The following USP12 variants were observed in gnomAD, a reference collection of about 807,000 sequenced individuals.
The protein encoded by USP12 is ubiquitin specific peptidase 12.
In USP12, 19 loss-of-function variants were observed where a neutral mutation model predicts 45.5. The ratio of observed to expected loss-of-function variants is 0.42; its 90% CI spans 0.29 to 0.61. USP12 has a LOEUF of 0.61. USP12 is among the 20% of genes least tolerant of loss of function. USP12 has a pLI of 0.22. For missense variants in USP12, 242 were observed against 447.7 expected (o/e 0.54, Z 4.15); for synonymous variants, 149 against 148.8 (o/e 1.00, Z -0.01).
At chr13:27,096,934 TA>T (rs1874607662) in intron 3 of USP12, among the ~76,000 whole-genome samples, 1 of 152,174 alleles carries the variant, frequency 6.6e-6, no homozygotes, top group Non-Finnish European at 1.5e-5. Context: ...AATTACATTT[TA>T]GAAGAGATAC....
At chr13:27,090,957 G>A (rs1292611222) in intron 4 of USP12, among the ~76,000 whole-genome samples, 1 of 152,200 alleles carries the variant, frequency 6.6e-6, no homozygotes, top group Non-Finnish European at 1.5e-5. Context: ...ACTGTGCATA[G>A]TGTATTTTAT....
chr13:27,109,207 T>C (rs1195897746), intron 2 of USP12, among the ~76,000 whole-genome samples: 2 of 152,214 alleles, frequency 1.3e-5, no homozygotes, highest in Non-Finnish European at 2.9e-5. Flanking sequence ...TATCAATGGA[T>C]GCTCAAAGCA....
intron 1 of USP12, among the ~76,000 whole-genome samples, chr13:27,164,230 T>C (rs1263418094): frequency 6.6e-6 from 1 of 152,192 alleles, no homozygotes; most frequent in African/African-American, 2.4e-5. Flanking sequence ...AAGTAGAGAA[T>C]GTGTGGATGC....
rs566877685 is a variant in USP12 at position 27,093,254 on chromosome 13, GA to G, written c.573+2346del. ...ATGAAAAACAAGTCACGGACTGGGAGAAAATATTTGCCAAAGACCCACCTGA... is the reference window on the plus strand; with the variant it reads ...ATGAAAAACAAGTCACGGACTGGGAGAAATATTTGCCAAAGACCCACCTGA... On this transcript the variant is annotated intron_variant, in intron 4 of 8. Coordinates refer to ENST00000282344, the MANE Select transcript of USP12 (RefSeq NM_182488.4). Among the ~76,000 whole-genome samples the G allele has an allele frequency of 2.0e-3, 303 of 148,954 alleles. 1 individual carries two copies. Among genetic ancestry groups the G allele is most frequent in the Middle Eastern group, 0.014 (4 of 288 alleles).
At chr13:27,093,635 T>A (rs116676144) in intron 4 of USP12, among the ~76,000 whole-genome samples, 3,249 of 152,330 alleles carry the variant, frequency 0.021, 119 homozygotes, top group African/African-American at 0.075. Flanking sequence ...AAACTAAGTA[T>A]ACTCTTACCA....
intron 1 of USP12, among the ~76,000 whole-genome samples, chr13:27,121,218 G>C (rs149292352): frequency 6.6e-6 from 1 of 151,304 alleles, no homozygotes; most frequent in Non-Finnish European, 1.5e-5. Context: ...GAGACAGGGA[G>C]AAAGGAGAAA....
chr13:27,086,186 AAAAAAAAAAAAATATATAT>A (rs1874014208), intron 6 of USP12, among the ~76,000 whole-genome samples: 1 of 101,902 alleles, frequency 9.8e-6, no homozygotes, highest in Admixed American at 1.1e-4. Context: ...AAAAAAAAAA[AAAAAAAAAAAAATATATAT>A]ATATATATAT....
rs752665721 is a variant in USP12 at position 27,171,669 on chromosome 13, A to AGCG, written c.-33_-31dup. ...CCAGCGCCATCTTCCACCCAATCACAGCGGCGGCGGCGGGCGGGGGAGGAG... is the reference window on the plus strand; with the variant it reads ...CCAGCGCCATCTTCCACCCAATCACAGCGGCGGCGGCGGCGGGCGGGGGAGGAG... On this transcript the variant is annotated 5_prime_UTR_variant, in exon 1 of 9. Coordinates refer to ENST00000282344, the MANE Select transcript of USP12 (RefSeq NM_182488.4). 914 of 1,178,200 alleles carry AGCG rather than the reference A, an allele frequency of 7.8e-4. No homozygotes were observed. Among genetic ancestry groups the AGCG allele is most frequent in the Non-Finnish European group, 9.5e-4 (864 of 910,406 alleles). 73.0% of individuals were successfully genotyped at this position (1,178,200 alleles called of 1,614,324 possible).
intron 1 of USP12, among the ~76,000 whole-genome samples, chr13:27,141,673 A>G (rs1481118393): frequency 3.3e-5 from 5 of 151,764 alleles, no homozygotes; most frequent in Non-Finnish European, 5.9e-5. Flanking sequence ...ACTCTAAAAA[A>G]TAAATGAATA....
intron 7 of USP12, among the ~76,000 whole-genome samples, chr13:27,074,452 G>A (rs1873388351): frequency 6.6e-6 from 1 of 152,260 alleles, no homozygotes; most frequent in African/African-American, 2.4e-5. Flanking sequence ...GGCTGAAGAT[G>A]AGAAAGCTGT....
intron 1 of USP12, among the ~76,000 whole-genome samples, chr13:27,130,889 C>CA (rs1259327267): frequency 6.6e-6 from 1 of 152,170 alleles, no homozygotes; most frequent in Non-Finnish European, 1.5e-5. Flanking sequence ...TTCTTGAAGG[C>CA]AACAACATTT....
intron 6 of USP12, among the ~76,000 whole-genome samples, chr13:27,076,624 C>A (rs139412716): frequency 1.3e-4 from 20 of 152,252 alleles, no homozygotes; most frequent in African/African-American, 4.8e-4. Flanking sequence ...TATCTAGCAA[C>A]ATGCCTGACA....
intron 1 of USP12, among the ~76,000 whole-genome samples, chr13:27,167,711 T>C (rs2137851200): frequency 6.6e-6 from 1 of 152,018 alleles, no homozygotes; most frequent in South Asian, 2.1e-4. Flanking sequence ...ATAAAAGAAC[T>C]ACATCCACCC....
At position 27,105,712 on chromosome 13, in the gene USP12, C is replaced by T; in HGVS notation, c.343+19G>A. The T allele has an allele frequency of 2.5e-6, 4 of 1,604,318 alleles. No individual in the cohort carries two copies. The highest frequency in any genetic ancestry group is 3.4e-6 in the Non-Finnish European group (4 of 1,172,148). On this transcript the variant is annotated intron_variant, in intron 3 of 8. Coordinates refer to ENST00000282344, the MANE Select transcript of USP12 (RefSeq NM_182488.4). ...TAACCTTCCTAGTATGTCATTAATA[C>T]AGTGGGAAGTAGAATTACCATTTTC...
chr13:27,117,430 A>G (rs920999466), intron 1 of USP12, among the ~76,000 whole-genome samples: 1 of 139,284 alleles, frequency 7.2e-6, no homozygotes, highest in African/African-American at 2.8e-5. Flanking sequence ...CTGCAGTATC[A>G]TTTATGATTG....
chr13:27,164,831 T>C (rs929407751), intron 1 of USP12, among the ~76,000 whole-genome samples: 28 of 152,120 alleles, frequency 1.8e-4, no homozygotes, highest in Non-Finnish European at 2.9e-4. Context: ...ACTAGGAGAT[T>C]GGGACTGTAG....
At chr13:27,160,607 C>T (rs1878060635) in intron 1 of USP12, among the ~76,000 whole-genome samples, 1 of 152,004 alleles carries the variant, frequency 6.6e-6, no homozygotes, top group Non-Finnish European at 1.5e-5. Flanking sequence ...AGTTTTTGAG[C>T]CTTTGATGTT....
At chr13:27,145,258 G>T (rs982742587) in intron 1 of USP12, among the ~76,000 whole-genome samples, 2 of 152,102 alleles carry the variant, frequency 1.3e-5, no homozygotes, top group Non-Finnish European at 2.9e-5. Context: ...TCTGGACCAC[G>T]TTTTTCTCCA....
At chr13:27,093,073 G>A (rs980771502) in intron 4 of USP12, among the ~76,000 whole-genome samples, 4 of 151,822 alleles carry the variant, frequency 2.6e-5, no homozygotes, top group Non-Finnish European at 5.9e-5. Flanking sequence ...GCGCGTGCCT[G>A]TAATCCTGGC....
Sources: gnomAD v4.1 joint callset for allele counts (sites outside exome capture counted in the v4.1 genomes callset) on GRCh38, gnomAD v4.1.1 for gene constraint, MANE v1.5 for transcripts, NCBI Gene and HGNC (gene_info 2026-07-23, HGNC 2026-07-21) for gene names.